PDE5A: variants seen among roughly 807,000 people sequenced by gnomAD.
The protein encoded by PDE5A is phosphodiesterase 5A.
A neutral mutation model predicts 110.2 loss-of-function variants in PDE5A; 67 were observed. The observed-to-expected ratio is 0.61, with a 90% CI of 0.50 to 0.75. PDE5A has a LOEUF of 0.75. PDE5A is among the 30% of genes least tolerant of loss of function. The pLI is 0.00. For missense variants in PDE5A, 862 were observed against 1,045.1 expected, an observed-to-expected ratio of 0.82 and a Z score of 2.42; for synonymous variants, 328 against 351.2, an observed-to-expected ratio of 0.93 and a Z score of 0.74.
chr4:119,544,695 C>T (rs969658396), intron 9 of PDE5A, among the ~76,000 whole-genome samples: 2 of 152,100 alleles, frequency 1.3e-5, no homozygotes, highest in East Asian at 1.9e-4. Flanking sequence ...AATTACTACA[C>T]GTATAGCAAG....
chr4:119,534,131 C>T (rs1726644113), intron 11 of PDE5A, among the ~76,000 whole-genome samples: 1 of 152,182 alleles, frequency 6.6e-6, no homozygotes, highest in African/African-American at 2.4e-5. Flanking sequence ...ATGTTACATA[C>T]ATCTACAAAA....
intron 10 of PDE5A, 69 bp from the exon 11 acceptor site, chr4:119,539,088 C>T (rs1726829621): frequency 1.3e-5 from 15 of 1,150,676 alleles, no homozygotes; most frequent in Non-Finnish European, 1.8e-5. Context: ...GAACTTCAAG[C>T]TTGGAATTCT....
intron 3 of PDE5A, among the ~76,000 whole-genome samples, chr4:119,571,773 T>C (rs1341264085): frequency 2.6e-5 from 4 of 152,218 alleles, no homozygotes; most frequent in Non-Finnish European, 5.9e-5. Context: ...CCTCATTTTA[T>C]CTCTTCTGTT....
At chr4:119,516,574 C>T (rs186614421) in intron 14 of PDE5A, among the ~76,000 whole-genome samples, 242 of 152,208 alleles carry the variant, frequency 1.6e-3, no homozygotes, top group Middle Eastern at 0.014. Flanking sequence ...CTATTTTGTT[C>T]CTATTACTGC....
chr4:119,542,770 C>A (rs1726987837), intron 9 of PDE5A, 136 bp from the exon 10 acceptor site: 1 of 707,014 alleles, frequency 1.4e-6, no homozygotes, highest in Non-Finnish European at 2.4e-6. Context: ...GCAAATTAAC[C>A]CCCACAAATA....
At chr4:119,588,454 G>C (rs775089053) in intron 3 of PDE5A, among the ~76,000 whole-genome samples, 7 of 150,962 alleles carry the variant, frequency 4.6e-5, no homozygotes, top group Non-Finnish European at 5.9e-5. Context: ...TTGGATTACA[G>C]GCGTGAGCCA....
chr4:119,580,350 G>A (rs1201036414), intron 3 of PDE5A, among the ~76,000 whole-genome samples: 1 of 152,188 alleles, frequency 6.6e-6, no homozygotes, highest in African/African-American at 2.4e-5. Flanking sequence ...TCCAGAGACA[G>A]AACAGCGCAT....
intron 7 of PDE5A, among the ~76,000 whole-genome samples, chr4:119,556,472 G>T (rs1727544339): frequency 1.3e-5 from 2 of 152,206 alleles, no homozygotes; most frequent in South Asian, 2.1e-4. Context: ...GGTCTTTGTG[G>T]AGCACAGCTA....
chr4:119,624,524 G>A (rs1201562050), intron 1 of PDE5A, among the ~76,000 whole-genome samples: 7 of 152,110 alleles, frequency 4.6e-5, no homozygotes, highest in Non-Finnish European at 8.8e-5. Flanking sequence ...AGTGTAAAAC[G>A]TCTGTTTCTG....
intron 1 of PDE5A, among the ~76,000 whole-genome samples, chr4:119,621,863 A>G (rs1560647047): frequency 6.6e-6 from 1 of 152,194 alleles, no homozygotes; most frequent in South Asian, 2.1e-4. Context: ...ATAGGAGTAC[A>G]TTACTTAAGT....
intron 3 of PDE5A, among the ~76,000 whole-genome samples, chr4:119,577,885 G>C (rs1578793553): frequency 6.6e-6 from 1 of 152,160 alleles, no homozygotes; most frequent in African/African-American, 2.4e-5. Context: ...TAGGAAAAGA[G>C]GAAGTCAAAT....
chr4:119,619,760 T>C (rs1359311747), intron 1 of PDE5A, among the ~76,000 whole-genome samples: 2 of 152,216 alleles, frequency 1.3e-5, no homozygotes, highest in Admixed American at 6.5e-5. Context: ...ACACGCATTA[T>C]TTCCTTTAAT....
chr4:119,598,297 C>T (rs568196743), intron 2 of PDE5A, among the ~76,000 whole-genome samples: 2 of 152,130 alleles, frequency 1.3e-5, no homozygotes, highest in Non-Finnish European at 2.9e-5. Flanking sequence ...AACAGCAGTT[C>T]TGAATTTCAC....
intron 1 of PDE5A, among the ~76,000 whole-genome samples, chr4:119,612,552 T>C (rs9307480): frequency 0.97 from 147,990 of 152,296 alleles, 72,043 homozygotes; most frequent in East Asian, 1. Flanking sequence ...GCCTGCAGAA[T>C]CATAAGCCAA....
chr4:119,588,635 C>T lies in PDE5A; in HGVS notation c.831+7888G>A, dbSNP rs564067266. On this transcript the variant is annotated intron_variant, in intron 3 of 20. Coordinates refer to ENST00000354960, the MANE Select transcript of PDE5A (RefSeq NM_001083.4). ...GAAAATATTTTTAAATGAGCAGACACAATCATAAAACTTAAATTCTAAAAA... is the reference window on the plus strand; with the variant it reads ...GAAAATATTTTTAAATGAGCAGACATAATCATAAAACTTAAATTCTAAAAA... 4.6e-5 allele frequency among the ~76,000 whole-genome samples: 7 copies of T among 151,072 alleles called. No individual in the cohort carries two copies. In the South Asian group the frequency reaches 1.3e-3, roughly 27 times the overall value.
chr4:119,501,366 A>G (rs1725325506), intron 19 of PDE5A, 113 bp from the exon 20 acceptor site: 1 of 669,668 alleles, frequency 1.5e-6, no homozygotes, highest in East Asian at 2.8e-5. Context: ...GCTGGAGTGC[A>G]GTGGCACCAT....
At chr4:119,544,888 T>C (rs775127731) in intron 9 of PDE5A, among the ~76,000 whole-genome samples, 8 of 152,188 alleles carry the variant, frequency 5.3e-5, no homozygotes, top group Non-Finnish European at 4.4e-5. Flanking sequence ...TTAAATGGAA[T>C]GTTATGTGTA....
intron 20 of PDE5A, among the ~76,000 whole-genome samples, chr4:119,500,636 A>G (rs1396216608): frequency 6.6e-6 from 1 of 152,128 alleles, no homozygotes; most frequent in Non-Finnish European, 1.5e-5. Context: ...TTTGAGTCAT[A>G]AACATCTAAA....
rs1265376573 is a variant in PDE5A, at chr4:119,521,021, G to C, written c.1819C>G (p.Arg607Gly). The stretch of plus-strand genomic sequence containing the variant: ...CAATTATGATAGGCAACATTCTTCC[G>C]ATAATTCTTCTTAACACTTAAAATC... ...RWILSVKKNYRKNVAYHNWRH... is the reference protein window; with the variant it reads ...RWILSVKKNYGKNVAYHNWRH... The change falls in exon 13 of 21, where the codon CGG becomes GGG. Residue 607 changes from arginine (R) to glycine (G), a missense_variant. Coordinates refer to ENST00000354960, the MANE Select transcript of PDE5A (RefSeq NM_001083.4). The C allele has an allele frequency of 6.2e-7, 1 of 1,612,408 alleles. No homozygotes were observed. Among genetic ancestry groups the C allele is most frequent in the Non-Finnish European group, 8.5e-7 (1 of 1,178,830 alleles).
Sources: allele counts gnomAD v4.1 joint callset (sites outside exome capture counted in the v4.1 genomes callset), GRCh38; gene constraint gnomAD v4.1.1; transcripts MANE v1.5; gene names NCBI Gene and HGNC (gene_info 2026-07-23, HGNC 2026-07-21).